DPY19L2: variants seen among roughly 807,000 people sequenced by gnomAD.
DPY19L2 encodes the protein dpy-19 like 2.
A neutral mutation model predicts 97.9 loss-of-function variants in DPY19L2; 34 were observed. That is an observed-to-expected ratio of 0.35 (90% confidence interval 0.26 to 0.46). The LOEUF (loss-of-function observed/expected upper bound fraction) is 0.46, where lower values mean the gene tolerates loss of function less well. DPY19L2 is among the 20% of genes least tolerant of loss of function. The pLI, the probability that DPY19L2 is intolerant of heterozygous loss-of-function variation, is 1.00. For synonymous variants in DPY19L2, 230 were observed against 307.9 expected, an observed-to-expected ratio of 0.75 and a Z score of 2.65; for missense variants, 623 against 911.4, an observed-to-expected ratio of 0.68 and a Z score of 4.07.
intron 6 of DPY19L2, among the ~76,000 whole-genome samples, chr12:63,634,305 T>G (rs1164834088): frequency 2.0e-5 from 3 of 152,038 alleles, no homozygotes; most frequent in Admixed American, 6.5e-5. Context: ...TAATAACATG[T>G]AAGATATGAA....
intron 21 of DPY19L2, among the ~76,000 whole-genome samples, chr12:63,566,750 A>G (rs945594468): frequency 5.3e-5 from 8 of 151,954 alleles, no homozygotes; most frequent in African/African-American, 1.9e-4. Context: ...TGCTATAGAC[A>G]TTTTTCTACA....
intron 15 of DPY19L2, 99 bp downstream of exon 15, chr12:63,595,867 A>G (rs1884137684): frequency 6.3e-6 from 7 of 1,113,922 alleles, no homozygotes; most frequent in Non-Finnish European, 7.6e-6. Flanking sequence ...TAGAGAGAGA[A>G]AGAGTTCATC....
At chr12:63,645,887 T>C (rs1893346692) in intron 5 of DPY19L2, among the ~76,000 whole-genome samples, 1 of 152,118 alleles carries the variant, frequency 6.6e-6, no homozygotes, top group Admixed American at 6.6e-5. Context: ...AATGGAACTC[T>C]GTTAAAATTC....
intron 4 of DPY19L2, among the ~76,000 whole-genome samples, 194 bp from the exon 5 acceptor site, chr12:63,647,559 C>T (rs371442532): frequency 1.3e-5 from 2 of 152,078 alleles, no homozygotes; most frequent in Admixed American, 6.6e-5. Context: ...ACAAACACTG[C>T]GTGTTTTGAT....
At chr12:63,614,289 A>C (rs1887506997) in intron 11 of DPY19L2, among the ~76,000 whole-genome samples, 1 of 152,194 alleles carries the variant, frequency 6.6e-6, no homozygotes, top group South Asian at 2.1e-4. Flanking sequence ...AAGGTGACAA[A>C]ACAAACTGAC....
intron 4 of DPY19L2, among the ~76,000 whole-genome samples, chr12:63,653,840 G>T (rs541976289): frequency 6.6e-6 from 1 of 151,964 alleles, no homozygotes; most frequent in African/African-American, 2.4e-5. Flanking sequence ...ACTAACAGTG[G>T]ATTTCTCATT....
chr12:63,561,132 C>A (rs999991547), intron 21 of DPY19L2, among the ~76,000 whole-genome samples: 2 of 152,118 alleles, frequency 1.3e-5, no homozygotes, highest in African/African-American at 4.8e-5. Flanking sequence ...AATTTGTTTT[C>A]TTCAATGCTT....
chr12:63,567,335 T>C (rs1424651535), intron 21 of DPY19L2, among the ~76,000 whole-genome samples: 2 of 152,016 alleles, frequency 1.3e-5, no homozygotes, highest in African/African-American at 4.8e-5. Flanking sequence ...GCTCTTTTTT[T>C]CCCCACTGTT....
At chr12:63,629,556 T>C (rs575705673) in intron 6 of DPY19L2, among the ~76,000 whole-genome samples, 1 of 152,042 alleles carries the variant, frequency 6.6e-6, no homozygotes, top group Non-Finnish European at 1.5e-5. Flanking sequence ...CCAAGAAATA[T>C]GGGACTATGT....
At chr12:63,613,320 T>C (rs1887315789) in intron 11 of DPY19L2, among the ~76,000 whole-genome samples, 1 of 152,140 alleles carries the variant, frequency 6.6e-6, no homozygotes, top group African/African-American at 2.4e-5. Flanking sequence ...ATTCAAGGAA[T>C]GCAAAGATGC....
chr12:63,635,289 A>G (rs1410617992), intron 6 of DPY19L2, among the ~76,000 whole-genome samples: 1 of 152,142 alleles, frequency 6.6e-6, no homozygotes, highest in African/African-American at 2.4e-5. Context: ...ATACGTCACC[A>G]TCATCAAAGA....
At chr12:63,577,129 C>T (rs1235277682) in intron 19 of DPY19L2, among the ~76,000 whole-genome samples, 1 of 151,904 alleles carries the variant, frequency 6.6e-6, no homozygotes, top group Non-Finnish European at 1.5e-5. Flanking sequence ...GAAAGAAATC[C>T]ATACATCTAC....
intron 21 of DPY19L2, among the ~76,000 whole-genome samples, chr12:63,564,411 A>G (rs112096485): frequency 0.013 from 2,047 of 152,206 alleles, 48 homozygotes; most frequent in African/African-American, 0.046. Flanking sequence ...CATCCCACAA[A>G]TAGCGGGATG....
chr12:63,594,989 C>T (rs1487323911), intron 15 of DPY19L2, among the ~76,000 whole-genome samples: 3 of 152,166 alleles, frequency 2.0e-5, no homozygotes, highest in South Asian at 4.1e-4. Context: ...TTACTCATTC[C>T]TCCTTGTTTC....
intron 6 of DPY19L2, among the ~76,000 whole-genome samples, chr12:63,640,961 C>T (rs531577034): frequency 1.8e-4 from 28 of 152,158 alleles, no homozygotes; most frequent in East Asian, 1.5e-3. Flanking sequence ...GGCGCAATGT[C>T]GGCTCACTGC....
intron 8 of DPY19L2, 120 bp from the exon 9 acceptor site, chr12:63,621,457 C>G: frequency 1.4e-6 from 1 of 702,174 alleles, no homozygotes; most frequent in Non-Finnish European, 2.5e-6. Flanking sequence ...TATAATACAA[C>G]AAAATATAGT....
At chr12:63,594,543 T>TGTG (rs1177062221) in intron 15 of DPY19L2, among the ~76,000 whole-genome samples, 1 of 149,288 alleles carries the variant, frequency 6.7e-6, no homozygotes, top group Non-Finnish European at 1.5e-5. Flanking sequence ...TATGTGTGTA[T>TGTG]GTGTGTATGA....
chr12:63,567,577 G>A (rs925529928), intron 21 of DPY19L2, among the ~76,000 whole-genome samples: 15 of 152,020 alleles, frequency 9.9e-5, no homozygotes, highest in Non-Finnish European at 2.2e-4. Flanking sequence ...AAAACGTATA[G>A]TGATTAATAT....
At chr12:63,596,910 T>C (rs1592502126) in intron 14 of DPY19L2, among the ~76,000 whole-genome samples, 1 of 152,130 alleles carries the variant, frequency 6.6e-6, no homozygotes, top group Non-Finnish European at 1.5e-5. Context: ...GAAAGAACTA[T>C]ATGGCATGGT....
Sources: allele counts gnomAD v4.1 joint callset (sites outside exome capture counted in the v4.1 genomes callset), GRCh38; gene constraint gnomAD v4.1.1; transcripts MANE v1.5; gene names NCBI Gene and HGNC (gene_info 2026-07-23, HGNC 2026-07-21).